The following FAM81A variants were observed in gnomAD, a reference collection of about 807,000 sequenced individuals.
FAM81A encodes protein FAM81A.
In FAM81A, 19 loss-of-function variants were observed where a neutral mutation model predicts 46.7. That is an observed-to-expected ratio of 0.41 (90% CI 0.28 to 0.60). The LOEUF is 0.60. Among genes scored for constraint, FAM81A ranks in the 20% least tolerant of loss-of-function variants. FAM81A has a pLI of 0.34. For missense variants in FAM81A, 377 were observed against 453.5 expected (o/e 0.83, Z 1.53); for synonymous variants, 183 against 152.9 (o/e 1.20, Z -1.45).
chr15:59,436,926 G>C (rs1041259982), upstream of FAM81A, among the ~76,000 whole-genome samples: 25 of 152,322 alleles, frequency 1.6e-4, no homozygotes, highest in African/African-American at 4.6e-4. Flanking sequence ...TGTGGGATCA[G>C]AAAGTGATGT....
chr15:59,437,989 A>C (rs1402260803), upstream of FAM81A, among the ~76,000 whole-genome samples: 1 of 151,530 alleles, frequency 6.6e-6, no homozygotes, highest in African/African-American at 2.4e-5. Flanking sequence ...CGGCGCCGCC[A>C]GGCTGGGCGC....
chr15:59,515,203 C>T (rs184823274), intron 7 of FAM81A, among the ~76,000 whole-genome samples: 7 of 152,214 alleles, frequency 4.6e-5, no homozygotes, highest in Non-Finnish European at 1.0e-4. Context: ...TATGACTGCA[C>T]GCTGCACTCC....
intron 3 of FAM81A, among the ~76,000 whole-genome samples, chr15:59,486,751 A>T (rs1015391803): frequency 7.9e-5 from 12 of 152,184 alleles, no homozygotes; most frequent in East Asian, 3.8e-4. Flanking sequence ...AGGAAAAAAA[A>T]ACTTAGCATA....
intron 4 of FAM81A, among the ~76,000 whole-genome samples, chr15:59,495,891 A>T (rs1273895645): frequency 1.3e-5 from 2 of 152,150 alleles, no homozygotes; most frequent in Non-Finnish European, 2.9e-5. Context: ...GAGCTGTAGG[A>T]GTTTTAAAAA....
At chr15:59,476,454 G>A (rs1412144633) in intron 3 of FAM81A, among the ~76,000 whole-genome samples, 4 of 151,990 alleles carry the variant, frequency 2.6e-5, no homozygotes, top group Non-Finnish European at 4.4e-5. Context: ...AATTTAAAAA[G>A]TACTAAAAGG....
intron 3 of FAM81A, among the ~76,000 whole-genome samples, chr15:59,477,753 C>T (rs1449625537): frequency 2.0e-5 from 3 of 152,154 alleles, no homozygotes; most frequent in Non-Finnish European, 4.4e-5. Flanking sequence ...TGCTTATATT[C>T]TTTCAGCAGA....
chr15:59,497,306 T>TA lies in FAM81A; in HGVS notation c.413+4917_413+4918insA, dbSNP rs1434560356. ...ACTAAAAATACAAAAATTAGCCAGGTGTGGTAGTGGCCACCTGTAATCCCA... is the reference window on the plus strand; with the variant it reads ...ACTAAAAATACAAAAATTAGCCAGGTAGTGGTAGTGGCCACCTGTAATCCCA... On this transcript the variant is annotated intron_variant, in intron 4 of 8. Transcript: ENST00000288228. 4.6e-5 allele frequency among the ~76,000 whole-genome samples: 7 copies of TA among 151,394 alleles called. No homozygotes were observed. In the South Asian group the frequency reaches 1.5e-3, roughly 32 times the overall value.
intron 8 of FAM81A, among the ~76,000 whole-genome samples, chr15:59,520,099 A>AT (rs111227397): frequency 0.81 from 121,204 of 149,654 alleles, 48,990 homozygotes; most frequent in Admixed American, 0.85. Flanking sequence ...TTTTTTTGTG[A>AT]TTTTTTTTTT....
intron 2 of FAM81A, among the ~76,000 whole-genome samples, chr15:59,429,721 T>C (rs1252274769): frequency 6.6e-6 from 1 of 152,264 alleles, no homozygotes; most frequent in Admixed American, 6.5e-5. Context: ...TTTTAAGTAC[T>C]GTAATTAGAA....
upstream of FAM81A, chr15:59,438,090 T>C (rs1208554011): frequency 6.8e-6 from 1 of 146,334 alleles, no homozygotes; most frequent in Non-Finnish European, 1.5e-5. Flanking sequence ...GCGCGGCGGC[T>C]CGCGCCCCCC....
chr15:59,442,509 C>G (rs753435999), intron 1 of FAM81A, among the ~76,000 whole-genome samples: 3 of 150,654 alleles, frequency 2.0e-5, no homozygotes, highest in Non-Finnish European at 2.9e-5. Context: ...CCCAGCTACT[C>G]AGGAGGCTGA....
At chr15:59,402,036 C>A in intron 1 of FAM81A, 1 of 570,618 alleles carries the variant, frequency 1.8e-6, no homozygotes, top group South Asian at 2.1e-5. Context: ...GGAGCAGCCC[C>A]TGGGGTGCGA....
intron 2 of FAM81A, among the ~76,000 whole-genome samples, chr15:59,416,645 C>T (rs1025993847): frequency 3.8e-4 from 57 of 151,986 alleles, no homozygotes; most frequent in African/African-American, 1.3e-3. Context: ...AACATCTTGC[C>T]GTCTCTTTCC....
intron 4 of FAM81A, among the ~76,000 whole-genome samples, chr15:59,506,801 A>G (rs2082154048): frequency 1.3e-5 from 2 of 152,342 alleles, no homozygotes; most frequent in South Asian, 4.1e-4. Flanking sequence ...TGATTCAGTC[A>G]AAGTTTAGAA....
intron 4 of FAM81A, among the ~76,000 whole-genome samples, chr15:59,497,257 C>T (rs1311704335): frequency 6.6e-6 from 1 of 151,880 alleles, no homozygotes; most frequent in Non-Finnish European, 1.5e-5. Context: ...ACCAGCCTGG[C>T]CAACATGGTG....
intron 3 of FAM81A, among the ~76,000 whole-genome samples, chr15:59,479,765 G>A (rs542280293): frequency 5.5e-4 from 83 of 152,180 alleles, no homozygotes; most frequent in African/African-American, 1.7e-3. Context: ...AGGGCAGCCC[G>A]TGAGACTTGA....
At chr15:59,421,790 TCTACCTACCTAA>T (rs2081174095) in intron 2 of FAM81A, among the ~76,000 whole-genome samples, 1 of 143,392 alleles carries the variant, frequency 7.0e-6, no homozygotes, top group African/African-American at 2.8e-5. Flanking sequence ...TATCTATCTA[TCTACCTACCTAA>T]CTACCTACCA....
rs762659968 is a variant in FAM81A at position 59,460,222 on chromosome 15, G to A, written c.294+16G>A. The A allele has an allele frequency of 6.2e-7, 1 of 1,613,996 alleles. No individual in the cohort carries two copies. Among genetic ancestry groups the A allele is most frequent in the Non-Finnish European group, 8.5e-7 (1 of 1,179,896 alleles). ...GGATATCGAGGTAAGGTTTGTGAAA[G>A]TCAGGTGGCCTATGTCCCTTTCCAC... On this transcript the variant is annotated intron_variant, in intron 3 of 8. Coordinates refer to ENST00000288228, the MANE Select transcript of FAM81A (RefSeq NM_152450.3). This position sits in a 1 kb window ranked among gnomAD's most constrained non-coding sequence, Gnocchi z 4.4.
chr15:59,485,700 C>G (rs1295577844), intron 3 of FAM81A, among the ~76,000 whole-genome samples: 3 of 152,150 alleles, frequency 2.0e-5, no homozygotes, highest in African/African-American at 7.2e-5. Flanking sequence ...AGCATCAAGA[C>G]CATCTAGGAA....
Sources: gnomAD v4.1 joint callset for allele counts (sites outside exome capture counted in the v4.1 genomes callset) on GRCh38, gnomAD v4.1.1 for gene constraint, Gnocchi (gnomAD v3.1) non-coding constraint, MANE v1.5 for transcripts, NCBI Gene and HGNC (gene_info 2026-07-23, HGNC 2026-07-21) for gene names.